Variants in LRBA observed in about 807,000 individuals in gnomAD.
The protein encoded by LRBA is LPS responsive beige-like anchor protein.
LRBA carries 176 observed loss-of-function variants against 330.0 expected under a neutral mutation model. The ratio of observed to expected loss-of-function variants is 0.53; its 90% CI spans 0.47 to 0.60. The LOEUF (loss-of-function observed/expected upper bound fraction) is 0.60. LRBA is among the 20% of genes least tolerant of loss of function. LRBA has a pLI of 0.00. For missense variants in LRBA, 3,259 were observed against 3,444.8 expected (o/e 0.95, Z 1.35); for synonymous variants, 1,230 against 1,193.0 (o/e 1.03, Z -0.64).
At chr4:150,487,074 T>G (rs1323561190) in intron 42 of LRBA, among the ~76,000 whole-genome samples, 4 of 151,828 alleles carry the variant, frequency 2.6e-5, no homozygotes, top group African/African-American at 9.7e-5. Flanking sequence ...TCTTGGCTAT[T>G]GGGAGTAATG....
Position 150,916,731 on chromosome 4 carries a change from G to C in LRBA, c.653C>G (p.Ala218Gly). Residue 218 changes from alanine to glycine, a missense_variant, in exon 6 of 57, where the codon GCA (alanine) becomes GGA (glycine). Physicochemically the swap from Ala to Gly is moderately conservative, Grantham distance 60. Transcript: ENST00000651943. ...TGGCCATTTGGCTATAGGAGGTAAT[G>C]CAATAGCCTAAAGGAAAGAAACTTT... ...NFPGKSAAAI[A>G]LPPIAKWPYQ... 1 of 1,551,912 alleles carries C rather than the reference G, an allele frequency of 6.4e-7. No individual in the cohort carries two copies. Among genetic ancestry groups the C allele is most frequent in the African/African-American group, 1.4e-5 (1 of 72,164 alleles).
At chr4:150,652,334 T>C (rs1174011277) in intron 37 of LRBA, among the ~76,000 whole-genome samples, 3 of 152,192 alleles carry the variant, frequency 2.0e-5, no homozygotes, top group Non-Finnish European at 4.4e-5. Context: ...ATAAGCCTTA[T>C]CATATACATT....
intron 40 of LRBA, among the ~76,000 whole-genome samples, chr4:150,572,449 C>T (rs17026978): frequency 0.089 from 13,587 of 152,094 alleles, 1,138 homozygotes; most frequent in African/African-American, 0.21. Context: ...AAAAGCAAAA[C>T]TGTACCATAA....
At chr4:150,419,705 T>C (rs1190791078) in intron 46 of LRBA, among the ~76,000 whole-genome samples, 3 of 149,028 alleles carry the variant, frequency 2.0e-5, no homozygotes, top group Non-Finnish European at 3.0e-5. Context: ...TGGCGCGATC[T>C]TGGCTCACTG....
rs749454769 is a variant in LRBA at position 150,872,742 on chromosome 4, G to C, written c.2179C>G (p.Leu727Val). The change falls in exon 18 of 57, where the codon CTT (leucine) becomes GTT (valine). Residue 727 changes from leucine to valine, a missense_variant. Transcript: ENST00000651943. Reference protein sequence around the residue: ...QRNGLRVIYKLLASKSEGIRV... With the variant: ...QRNGLRVIYKVLASKSEGIRV... ...ATTCCTTCACTTTTCGATGCCAGAA[G>C]TTTGTAGATAACACTGAATGAATAA... 3.1e-6 allele frequency: 5 copies of C among 1,590,482 alleles called. No individual in the cohort carries two copies. The highest frequency in any genetic ancestry group is 4.3e-6 in the Non-Finnish European group (5 of 1,162,634).
intron 34 of LRBA, among the ~76,000 whole-genome samples, chr4:150,794,934 A>G (rs1406202034): frequency 6.6e-6 from 1 of 152,152 alleles, no homozygotes; most frequent in Non-Finnish European, 1.5e-5. Context: ...CCGATAGTGG[A>G]CTGTTGAGTA....
At chr4:150,784,677 C>T (rs989137143) in intron 34 of LRBA, among the ~76,000 whole-genome samples, 4 of 152,138 alleles carry the variant, frequency 2.6e-5, no homozygotes, top group African/African-American at 4.8e-5. Context: ...TTTGGAGCCC[C>T]GCTCCCTCTG....
At chr4:150,808,961 G>C (rs1313639039) in intron 31 of LRBA, among the ~76,000 whole-genome samples, 1 of 152,088 alleles carries the variant, frequency 6.6e-6, no homozygotes, top group Non-Finnish European at 1.5e-5. Flanking sequence ...ATGCTTTAAA[G>C]AGAATAAGGG....
chr4:150,636,182 T>G (rs2126690911), intron 37 of LRBA, among the ~76,000 whole-genome samples: 1 of 143,860 alleles, frequency 7.0e-6, no homozygotes, highest in Admixed American at 7.2e-5. Flanking sequence ...TTTTTTTACG[T>G]GAATTACTCT....
intron 44 of LRBA, among the ~76,000 whole-genome samples, chr4:150,445,832 TTTTTTAGTTTTTTGTAGACCCAG>T (rs535756711): frequency 1.3e-5 from 2 of 152,026 alleles, no homozygotes; most frequent in Admixed American, 1.3e-4. Context: ...ACTGACATAA[TTTTTTAGTTTTTTGTAGACCCAG>T]GCTGGCCTTG....
At chr4:150,587,962 G>A in intron 40 of LRBA, 86 bp downstream of exon 40, 2 of 1,407,384 alleles carry the variant, frequency 1.4e-6, no homozygotes, top group South Asian at 1.7e-5. Flanking sequence ...TTCAAACTAA[G>A]CCTGTCAGAT....
intron 40 of LRBA, among the ~76,000 whole-genome samples, chr4:150,524,866 T>C (rs1331581919): frequency 6.6e-6 from 1 of 152,174 alleles, no homozygotes; most frequent in Non-Finnish European, 1.5e-5. Context: ...TTAATAATTC[T>C]GAATTCTAAT....
At chr4:150,636,141 A>T (rs1232878046) in intron 37 of LRBA, among the ~76,000 whole-genome samples, 2 of 145,012 alleles carry the variant, frequency 1.4e-5, no homozygotes, top group African/African-American at 2.5e-5. Context: ...TCACTTGATG[A>T]CATGGTACCT....
intron 44 of LRBA, among the ~76,000 whole-genome samples, chr4:150,462,634 GT>G (rs1754920722): frequency 6.6e-6 from 1 of 151,674 alleles, no homozygotes; most frequent in African/African-American, 2.4e-5. Context: ...TTGTAGCTTT[GT>G]ATCAAAGGTA....
chr4:150,397,873 A>T (rs760488706), intron 47 of LRBA, among the ~76,000 whole-genome samples: 2 of 152,218 alleles, frequency 1.3e-5, no homozygotes, highest in Non-Finnish European at 2.9e-5. Context: ...ATGGCTTACA[A>T]CAATGTCTGG....
In LRBA at chr4:150,735,243, A is replaced by G. The variant is rs112952572; in HGVS notation, c.5754+15T>C. On this transcript the variant is annotated intron_variant, in intron 36 of 56. Transcript: ENST00000651943. The stretch of plus-strand genomic sequence containing the variant: ...AAACGGTAACTTCCGCACACCAACC[A>G]TATGTGTAACCTACCTCAAATTCCG... 2.2e-4 allele frequency: 344 copies of G among 1,579,144 alleles called. 5 individuals carry two copies. In the African/African-American group the frequency reaches 4.1e-3, roughly 19 times the overall value.
At position 150,900,053 on chromosome 4, in the gene LRBA, TC is replaced by T; in HGVS notation, c.1919del (p.Gly640AspfsTer2). ...PQDRSGITPK[G>X]LDGPRPNQKE... ...ATACAGACAGAAATTATATACCTAA[TC>T]CTTTTGGGGTGATACCACTTCGATC... is the stretch of plus-strand genomic sequence containing the variant. On this transcript the variant is annotated frameshift_variant, in exon 14 of 57. Coordinates refer to ENST00000651943, the MANE Select transcript of LRBA (RefSeq NM_001364905.1). LOFTEE classifies it high-confidence loss of function. The T allele has an allele frequency of 6.2e-7, 1 of 1,607,916 alleles. No homozygotes were observed. The highest frequency in any genetic ancestry group is 8.5e-7 in the Non-Finnish European group (1 of 1,176,442).
intron 34 of LRBA, among the ~76,000 whole-genome samples, chr4:150,790,001 C>A (rs1560820700): frequency 6.6e-6 from 1 of 152,156 alleles, no homozygotes; most frequent in East Asian, 1.9e-4. Flanking sequence ...AGTTGTAAAA[C>A]AGTAGGGTGC....
At chr4:150,283,531 C>G (rs1747810275) in intron 54 of LRBA, among the ~76,000 whole-genome samples, 1 of 152,180 alleles carries the variant, frequency 6.6e-6, no homozygotes, top group South Asian at 2.1e-4. Flanking sequence ...TACTCATGGC[C>G]ACATGGAATC....
Sources: allele counts gnomAD v4.1 joint callset (sites outside exome capture counted in the v4.1 genomes callset), GRCh38; gene constraint gnomAD v4.1.1; transcripts MANE v1.5; gene names NCBI Gene and HGNC (gene_info 2026-07-23, HGNC 2026-07-21).